LGR6: variants seen among roughly 807,000 people sequenced by gnomAD.
The protein encoded by LGR6 is leucine-rich repeat-containing G protein-coupled receptor 6.
In LGR6, 45 loss-of-function variants were observed where a neutral mutation model predicts 69.4. That is an observed-to-expected ratio of 0.65 (90% CI 0.51 to 0.83). The LOEUF (loss-of-function observed/expected upper bound fraction) is 0.83, where lower values mean the gene tolerates loss of function less well. LGR6 is among the 40% of genes least tolerant of loss of function. LGR6 has a pLI of 0.00. For synonymous variants in LGR6, 538 were observed against 555.0 expected, an observed-to-expected ratio of 0.97 and a Z score of 0.43; for missense variants, 1,108 against 1,246.7, an observed-to-expected ratio of 0.89 and a Z score of 1.68.
chr1:202,248,633 TG>T (rs961163822), intron 4 of LGR6, among the ~76,000 whole-genome samples: 25 of 152,182 alleles, frequency 1.6e-4, no homozygotes, highest in African/African-American at 5.8e-4. Flanking sequence ...CCATGGTGTT[TG>T]GGGGGATGTG....
chr1:202,219,625 G>A (rs1660016551), intron 1 of LGR6, among the ~76,000 whole-genome samples: 1 of 152,152 alleles, frequency 6.6e-6, no homozygotes, highest in African/African-American at 2.4e-5. Context: ...CTTCCCTAGA[G>A]TAAAGGCTCA....
chr1:202,317,048 C>T (rs1654199972), intron 17 of LGR6, among the ~76,000 whole-genome samples: 1 of 152,198 alleles, frequency 6.6e-6, no homozygotes, highest in Non-Finnish European at 1.5e-5. Context: ...TCTCACAGAG[C>T]AAGGGAGAGC....
rs945817039 is a variant in LGR6, at chr1:202,273,098, G to T, written c.429-3208G>T. Among the ~76,000 whole-genome samples the T allele has an allele frequency of 3.3e-5, 5 of 152,340 alleles. No individual in the cohort carries two copies. In the South Asian group the frequency reaches 1.0e-3, roughly 32 times the overall value. Reference sequence around the variant, plus strand: ...AGCCCTGCAGCTTACTAGTTGTGGGGCCTTGGGGGGCTTAATCTCTCTGTA... The same window carrying T: ...AGCCCTGCAGCTTACTAGTTGTGGGTCCTTGGGGGGCTTAATCTCTCTGTA... On this transcript the variant is annotated intron_variant, in intron 4 of 17. Transcript: ENST00000367278.
At chr1:202,259,057 A>T (rs900186263) in intron 4 of LGR6, among the ~76,000 whole-genome samples, 1 of 152,132 alleles carries the variant, frequency 6.6e-6, no homozygotes, top group Admixed American at 6.5e-5. Context: ...TATATATACT[A>T]AACCCATTAT....
chr1:202,305,874 T>C (rs1422319995), intron 12 of LGR6, 125 bp downstream of exon 12: 19 of 811,612 alleles, frequency 2.3e-5, no homozygotes, highest in Middle Eastern at 4.6e-4. Context: ...CCTTCTCTTT[T>C]CTGAGTTTGT....
At chr1:202,231,821 G>A (rs6657403) in intron 3 of LGR6, among the ~76,000 whole-genome samples, 19,166 of 152,024 alleles carry the variant, frequency 0.13, 2,083 homozygotes, top group African/African-American at 0.29. Flanking sequence ...GGCTGGGTGC[G>A]GTGGCTCATG....
intron 4 of LGR6, among the ~76,000 whole-genome samples, chr1:202,266,505 A>G (rs1305347297): frequency 1.4e-5 from 2 of 147,858 alleles, no homozygotes; most frequent in African/African-American, 5.0e-5. Context: ...CTCAACCCAG[A>G]CTTCCCAATG....
rs1665568438 is a variant in LGR6, at chr1:202,276,488, A to G, written c.611A>G (p.Tyr204Cys). ...AACCGCATCAGCCACATCCCCGACT[A>G]CGCGTTCCAGAATCTCACCAGCCTT... ...ALNRISHIPD[Y>C]AFQNLTSLVV... Residue 204 changes from tyrosine (Y) to cysteine (C), a missense_variant, in exon 5 of 18, where the codon TAC becomes TGC. Tyr to Cys is a radical substitution (Grantham distance 194). Coordinates refer to ENST00000367278, the MANE Select transcript of LGR6 (RefSeq NM_001017403.2). 1.9e-6 allele frequency: 3 copies of G among 1,614,102 alleles called. No homozygotes were observed. Among genetic ancestry groups the G allele is most frequent in the Non-Finnish European group, 1.7e-6 (2 of 1,180,000 alleles).
At chr1:202,201,441 T>A (rs1317808723) in intron 1 of LGR6, among the ~76,000 whole-genome samples, 1 of 152,224 alleles carries the variant, frequency 6.6e-6, no homozygotes, top group East Asian at 1.9e-4. Flanking sequence ...TCATCTCACA[T>A]AAACCCCATG....
At chr1:202,218,612 G>A (rs541841451) in intron 1 of LGR6, among the ~76,000 whole-genome samples, 26 of 152,286 alleles carry the variant, frequency 1.7e-4, no homozygotes, top group South Asian at 6.2e-4. Flanking sequence ...GGACAGTCCC[G>A]CCCAGTAAAG....
At chr1:202,285,825 A>G (rs143142058) in intron 6 of LGR6, among the ~76,000 whole-genome samples, 13 of 152,216 alleles carry the variant, frequency 8.5e-5, no homozygotes, top group African/African-American at 3.1e-4. Context: ...AAAAACAGCA[A>G]CTTATTCTCT....
At chr1:202,249,774 T>C (rs937063411) in intron 4 of LGR6, among the ~76,000 whole-genome samples, 5 of 152,204 alleles carry the variant, frequency 3.3e-5, no homozygotes, top group Non-Finnish European at 7.4e-5. Context: ...CCTTACTTCC[T>C]GGTGGCCACC....
At chr1:202,274,319 G>A (rs1353913041) in intron 4 of LGR6, among the ~76,000 whole-genome samples, 1 of 152,194 alleles carries the variant, frequency 6.6e-6, no homozygotes, top group African/African-American at 2.4e-5. Flanking sequence ...GCTGGGTGCT[G>A]CGAGTTCACA....
intron 3 of LGR6, among the ~76,000 whole-genome samples, chr1:202,234,993 A>G (rs576443765): frequency 6.6e-6 from 1 of 152,274 alleles, no homozygotes; most frequent in East Asian, 1.9e-4. Context: ...TTCTGGATCT[A>G]AAGGCCTGGA....
At chr1:202,220,804 G>A (rs1055020589) in intron 1 of LGR6, among the ~76,000 whole-genome samples, 8 of 151,812 alleles carry the variant, frequency 5.3e-5, no homozygotes, top group African/African-American at 1.5e-4. Flanking sequence ...CCTGGCCACT[G>A]TAGCTGGCCT....
At chr1:202,217,310 C>A (rs1433605791) in intron 1 of LGR6, among the ~76,000 whole-genome samples, 4 of 152,136 alleles carry the variant, frequency 2.6e-5, no homozygotes, top group African/African-American at 7.2e-5. Context: ...GAGAGAGGAA[C>A]CTCTCCTGGG....
chr1:202,253,569 C>T (rs998410071), intron 4 of LGR6, among the ~76,000 whole-genome samples: 1 of 150,054 alleles, frequency 6.7e-6, no homozygotes, highest in African/African-American at 2.4e-5. Context: ...TCCCAAAGTG[C>T]TGGGACTACA....
chr1:202,288,598 C>CCGAGAT, intron 6 of LGR6, among the ~76,000 whole-genome samples: 1 of 152,262 alleles, frequency 6.6e-6, no homozygotes, highest in South Asian at 2.1e-4. Flanking sequence ...CATCTATACT[C>CCGAGAT]CGAGATATGC....
At chr1:202,201,834 G>T (rs2993429) in intron 1 of LGR6, among the ~76,000 whole-genome samples, 2 of 151,976 alleles carry the variant, frequency 1.3e-5, no homozygotes, top group East Asian at 3.9e-4. Flanking sequence ...ACAGAAATTG[G>T]GGACTCTGGG....
Sources: gnomAD v4.1 joint callset for allele counts (sites outside exome capture counted in the v4.1 genomes callset) on GRCh38, gnomAD v4.1.1 for gene constraint, MANE v1.5 for transcripts, NCBI Gene and HGNC (gene_info 2026-07-23, HGNC 2026-07-21) for gene names.